Variants in NKAIN3 observed in about 807,000 individuals in gnomAD.
The protein encoded by NKAIN3 is sodium/potassium-transporting ATPase subunit beta-1-interacting protein 3.
Under a neutral mutation model 30.2 loss-of-function variants are expected in NKAIN3, and 25 were observed. The observed-to-expected ratio is 0.83, with a 90% CI of 0.60 to 1.16. The LOEUF (loss-of-function observed/expected upper bound fraction) is 1.16, where lower values mean the gene tolerates loss of function less well. Among genes scored for constraint, NKAIN3 ranks in the 50% most tolerant of loss-of-function variants. NKAIN3 has a pLI of 0.00. For missense variants in NKAIN3, 225 were observed against 254.1 expected, an observed-to-expected ratio of 0.89 and a Z score of 0.78; for synonymous variants, 91 against 89.6, an observed-to-expected ratio of 1.02 and a Z score of -0.09.
chr8:62,254,153 C>CGTGTGTGT lies in NKAIN3; in HGVS notation c.54+5067_54+5074dup, dbSNP rs10629239. ...AAAATGAATTGTTGTGCTTGGGTAT[C>CGTGTGTGT]GTGTGTGTGTGTGTGTGTGTGTGTG... On this transcript the variant is annotated intron_variant, in intron 1 of 6. Coordinates refer to ENST00000623646, the MANE Select transcript of NKAIN3 (RefSeq NM_001304533.3). Among the ~76,000 whole-genome samples the CGTGTGTGT allele has an allele frequency of 1.6e-3, 223 of 137,044 alleles. 2 individuals carry two copies. Among genetic ancestry groups the CGTGTGTGT allele is most frequent in the African/African-American group, 5.3e-3 (193 of 36,318 alleles). The allele number at this position is 137,044 out of a possible 152,430, so 89.9% of individuals were successfully genotyped here.
chr8:62,850,789 G>T (rs1337173988), intron 4 of NKAIN3, among the ~76,000 whole-genome samples: 2 of 152,098 alleles, frequency 1.3e-5, no homozygotes, highest in Non-Finnish European at 2.9e-5. Context: ...TATTTCTGAG[G>T]TGTCTGTTCT....
chr8:62,282,358 G>A (rs138419020), intron 1 of NKAIN3, among the ~76,000 whole-genome samples: 214 of 152,204 alleles, frequency 1.4e-3, no homozygotes, highest in African/African-American at 4.8e-3. Flanking sequence ...ATTCTTCCCG[G>A]GATGGCGAAT....
chr8:62,907,520 C>T (rs764703063), intron 4 of NKAIN3, among the ~76,000 whole-genome samples: 1 of 152,138 alleles, frequency 6.6e-6, no homozygotes, highest in Non-Finnish European at 1.5e-5. Context: ...TGGCAGCGCC[C>T]CCCATAACAA....
At chr8:62,569,400 T>G (rs1809855288) in intron 1 of NKAIN3, among the ~76,000 whole-genome samples, 1 of 152,128 alleles carries the variant, frequency 6.6e-6, no homozygotes, top group Non-Finnish European at 1.5e-5. Flanking sequence ...AAAAGTCCCT[T>G]GGGAGTTGAA....
At chr8:62,735,370 CTTTCTTTCTTTTT>C (rs1563537709) in intron 3 of NKAIN3, among the ~76,000 whole-genome samples, 2 of 26,280 alleles carry the variant, frequency 7.6e-5, no homozygotes, top group African/African-American at 1.0e-4. Flanking sequence ...TTCTTTCTTT[CTTTCTTTCTTTTT>C]TTTTTTTTTT....
chr8:62,997,068 C>A (rs548812727), intron 5 of NKAIN3, among the ~76,000 whole-genome samples: 1 of 152,164 alleles, frequency 6.6e-6, no homozygotes, highest in East Asian at 1.9e-4. Flanking sequence ...GGGGCTCCAG[C>A]GCCACACTTC....
Position 62,806,328 on chromosome 8 carries a change from C to T in NKAIN3, c.471+59199C>T, listed in dbSNP as rs146528286. On this transcript the variant is annotated intron_variant, in intron 4 of 6. Transcript: ENST00000623646. ...GGTATATACCGAAAGGACTATAATC[C>T]ATGCTGCTATAAAGACACATGCATA... is the stretch of plus-strand genomic sequence containing the variant. Among the ~76,000 whole-genome samples, 865 of 152,300 alleles carry T rather than the reference C, an allele frequency of 5.7e-3. 5 individuals carry two copies. Among genetic ancestry groups the T allele is most frequent in the Non-Finnish European group, 0.011 (733 of 68,026 alleles).
At chr8:62,893,813 C>G (rs968519439) in intron 4 of NKAIN3, among the ~76,000 whole-genome samples, 1 of 152,188 alleles carries the variant, frequency 6.6e-6, no homozygotes, top group Non-Finnish European at 1.5e-5. Context: ...AAAGTTTGGT[C>G]ATCACAGTAG....
chr8:62,812,419 G>C (rs1053206755), intron 4 of NKAIN3, among the ~76,000 whole-genome samples: 1 of 151,794 alleles, frequency 6.6e-6, no homozygotes, highest in South Asian at 2.1e-4. Flanking sequence ...CAGTTTGGGG[G>C]AAAATGATAT....
At chr8:62,793,084 T>C (rs1009507680) in intron 4 of NKAIN3, among the ~76,000 whole-genome samples, 1 of 152,042 alleles carries the variant, frequency 6.6e-6, no homozygotes, top group Non-Finnish European at 1.5e-5. Flanking sequence ...TGTGGAGTCT[T>C]AAGCCACCTT....
At chr8:62,583,728 C>T (rs1335227586) in intron 2 of NKAIN3, among the ~76,000 whole-genome samples, 1 of 152,096 alleles carries the variant, frequency 6.6e-6, no homozygotes, top group African/African-American at 2.4e-5. Context: ...GATAATGTTA[C>T]CATTGTCAGT....
intron 1 of NKAIN3, among the ~76,000 whole-genome samples, chr8:62,279,655 C>G (rs990079944): frequency 1.9e-4 from 29 of 152,030 alleles, no homozygotes; most frequent in African/African-American, 5.6e-4. Flanking sequence ...TCTTGTTTTT[C>G]TCAGGTTTGT....
At chr8:62,641,133 C>T (rs1425591376) in intron 3 of NKAIN3, among the ~76,000 whole-genome samples, 1 of 151,822 alleles carries the variant, frequency 6.6e-6, no homozygotes, top group African/African-American at 2.4e-5. Flanking sequence ...TCCAGACCCA[C>T]TGAATCAGAA....
chr8:62,833,547 A>G (rs1227653455), intron 4 of NKAIN3, among the ~76,000 whole-genome samples: 1 of 152,132 alleles, frequency 6.6e-6, no homozygotes, highest in Non-Finnish European at 1.5e-5. Flanking sequence ...TATTATGAAC[A>G]CCTTTATGCA....
At chr8:62,615,657 G>A (rs1289792257) in intron 3 of NKAIN3, among the ~76,000 whole-genome samples, 1 of 152,186 alleles carries the variant, frequency 6.6e-6, no homozygotes, top group Non-Finnish European at 1.5e-5. Context: ...CTGACCTGTG[G>A]CATCTGCAAT....
chr8:62,762,896 T>C (rs1253414483), intron 4 of NKAIN3, among the ~76,000 whole-genome samples: 5 of 151,782 alleles, frequency 3.3e-5, no homozygotes, highest in African/African-American at 1.2e-4. Context: ...AAAAAAAAAT[T>C]CAATAATTAG....
intron 3 of NKAIN3, among the ~76,000 whole-genome samples, chr8:62,683,286 G>A (rs957420273): frequency 2.6e-5 from 4 of 152,164 alleles, no homozygotes; most frequent in South Asian, 2.1e-4. Flanking sequence ...CGCCCACCTC[G>A]GCCTCCCAAA....
intron 3 of NKAIN3, among the ~76,000 whole-genome samples, chr8:62,625,368 T>C (rs1811759611): frequency 6.6e-6 from 1 of 152,146 alleles, no homozygotes; most frequent in Non-Finnish European, 1.5e-5. Context: ...AAGCTAGAGT[T>C]TGCCTGAAGT....
intron 1 of NKAIN3, among the ~76,000 whole-genome samples, chr8:62,469,807 A>G (rs1806275728): frequency 6.6e-6 from 1 of 152,176 alleles, no homozygotes. Context: ...GTAAAAGCCT[A>G]CAACAGGATG....
Sources: allele counts gnomAD v4.1 joint callset (sites outside exome capture counted in the v4.1 genomes callset), GRCh38; gene constraint gnomAD v4.1.1; transcripts MANE v1.5; gene names NCBI Gene and HGNC (gene_info 2026-07-23, HGNC 2026-07-21).